Variants in GFRA2 observed in about 807,000 individuals in gnomAD.
GFRA2 encodes the protein GDNF family receptor alpha 2.
In GFRA2, 17 loss-of-function variants were observed where a neutral mutation model predicts 48.3. The observed-to-expected ratio is 0.35, with a 90% CI of 0.24 to 0.53. The LOEUF (loss-of-function observed/expected upper bound fraction) is 0.53, where lower values mean the gene tolerates loss of function less well. Ranked by LOEUF, GFRA2 falls within the 20% of genes least tolerant of loss-of-function variation. GFRA2 has a pLI of 0.93. For synonymous variants in GFRA2, 305 were observed against 257.2 expected (o/e 1.19, Z -1.78); for missense variants, 660 against 637.3 (o/e 1.04, Z -0.38).
chr8:21,724,666 G>A (rs957649849), intron 4 of GFRA2, among the ~76,000 whole-genome samples: 1 of 152,118 alleles, frequency 6.6e-6, no homozygotes, highest in African/African-American at 2.4e-5. Context: ...TTTTAATGAA[G>A]GTACTCAGGG....
At chr8:21,793,692 C>T (rs1321043398), upstream of GFRA2, among the ~76,000 whole-genome samples, 3 of 152,014 alleles carry the variant, frequency 2.0e-5, no homozygotes, top group Non-Finnish European at 2.9e-5. Context: ...GATTCAAACT[C>T]GGGCAGTCAG....
chr8:21,778,179 A>C (rs1329446829), intron 2 of GFRA2, among the ~76,000 whole-genome samples: 1 of 151,970 alleles, frequency 6.6e-6, no homozygotes, highest in Non-Finnish European at 1.5e-5. Flanking sequence ...CCGCAGCCCC[A>C]GGCCTGCATC....
At chr8:21,811,209 T>C (rs931383888) in intron 1 of GFRA2, among the ~76,000 whole-genome samples, 7 of 152,124 alleles carry the variant, frequency 4.6e-5, no homozygotes, top group African/African-American at 1.4e-4. Context: ...CTCTGTACTT[T>C]CTGCCTCGGG....
intron 4 of GFRA2, among the ~76,000 whole-genome samples, chr8:21,720,004 C>T (rs1408874862): frequency 6.6e-6 from 1 of 152,190 alleles, no homozygotes; most frequent in Non-Finnish European, 1.5e-5. Flanking sequence ...TACTCAAAGA[C>T]CCAGACCCCC....
chr8:21,783,140 G>A lies in GFRA2; in HGVS notation c.41-241C>T, dbSNP rs200398800. The A allele has an allele frequency of 2.5e-3, 1,657 of 673,236 alleles. 47 individuals are homozygous for A. In the East Asian group the frequency reaches 0.042, roughly 17 times the overall value. 41.7% of individuals were successfully genotyped at this position (673,236 alleles called of 1,614,324 possible). A position where few individuals can be genotyped will look rare whatever the true frequency, so the allele number is the denominator to read the frequency against. ...CCATTCCTCCTCAGCAGCGGCCCTGGGCCTAGGAGCACAGCACAATAAAGC... is the reference window on the plus strand; with the variant it reads ...CCATTCCTCCTCAGCAGCGGCCCTGAGCCTAGGAGCACAGCACAATAAAGC... On this transcript the variant is annotated intron_variant, in intron 1 of 8. Transcript: ENST00000524240.
intron 4 of GFRA2, among the ~76,000 whole-genome samples, chr8:21,716,051 G>A (rs116132330): frequency 0.013 from 2,021 of 152,214 alleles, 49 homozygotes; most frequent in African/African-American, 0.045. Context: ...GGCCAGGCGC[G>A]GTGGCTCACG....
In GFRA2 at chr8:21,738,205, C is replaced by T. The variant is rs1422640891; in HGVS notation, c.794+12383G>A. On this transcript the variant is annotated intron_variant, in intron 4 of 8. Coordinates refer to ENST00000524240, the MANE Select transcript of GFRA2 (RefSeq NM_001495.5). ...GTTCCTCCTCCTCCCCCTCCTCCTCCTCCCCCTCCTCCTCCTCCCCTCTTC... is the reference window on the plus strand; with the variant it reads ...GTTCCTCCTCCTCCCCCTCCTCCTCTTCCCCCTCCTCCTCCTCCCCTCTTC... 2.5e-3 allele frequency among the ~76,000 whole-genome samples: 271 copies of T among 109,478 alleles called. 4 individuals carry two copies. The highest frequency in any genetic ancestry group is 8.7e-3 in the African/African-American group (248 of 28,656). The allele number at this position is 109,478 out of a possible 152,430, so 71.8% of individuals were successfully genotyped here.
chr8:21,756,890 C>A (rs936194758), intron 3 of GFRA2, among the ~76,000 whole-genome samples: 1 of 152,170 alleles, frequency 6.6e-6, no homozygotes, highest in Admixed American at 6.5e-5. Flanking sequence ...AGCCTGAACT[C>A]AACACGTGCT....
chr8:21,711,105 T>C (rs1174151419), intron 4 of GFRA2, among the ~76,000 whole-genome samples: 2 of 152,194 alleles, frequency 1.3e-5, no homozygotes, highest in African/African-American at 4.8e-5. Context: ...GCAAATGTTA[T>C]GCTTTTCATA....
chr8:21,728,633 A>T (rs936529449), intron 4 of GFRA2, among the ~76,000 whole-genome samples: 10 of 152,288 alleles, frequency 6.6e-5, no homozygotes, highest in African/African-American at 2.4e-4. Context: ...CATGGACCAC[A>T]TCTGGAGAGA....
intron 7 of GFRA2, among the ~76,000 whole-genome samples, chr8:21,702,191 C>CA (rs1416420608): frequency 2.0e-5 from 3 of 152,174 alleles, no homozygotes; most frequent in Admixed American, 6.5e-5. Context: ...AACAGCACCT[C>CA]AGCTCCAATC....
At position 21,788,241 on chromosome 8, in the gene GFRA2, G is replaced by C. The variant is rs2279190; in HGVS notation, c.-82C>G. 0.28 allele frequency: 432,012 copies of C among 1,551,032 alleles called. 63,501 individuals carry two copies. Among genetic ancestry groups the C allele is most frequent in the African/African-American group, 0.49 (34,704 of 71,358 alleles). The stretch of plus-strand genomic sequence containing the variant: ...GTAGTAACAACAACAATAATAATAG[G>C]CAAGCAGTGGTAATCAGCCCCAAAT... On this transcript the variant is annotated 5_prime_UTR_variant, in exon 1 of 9. Coordinates refer to ENST00000524240, the MANE Select transcript of GFRA2 (RefSeq NM_001495.5).
intron 4 of GFRA2, among the ~76,000 whole-genome samples, chr8:21,726,027 G>A (rs1248999302): frequency 6.6e-6 from 1 of 152,134 alleles, no homozygotes; most frequent in Admixed American, 6.5e-5. Flanking sequence ...GGAAAGCCAG[G>A]CCCTTACAAG....
At chr8:21,722,596 G>A (rs544305552) in intron 4 of GFRA2, among the ~76,000 whole-genome samples, 37 of 152,266 alleles carry the variant, frequency 2.4e-4, no homozygotes, top group African/African-American at 7.9e-4. Flanking sequence ...GGTCTCGCCC[G>A]CATGCAGTGA....
At chr8:21,725,750 G>A (rs948374857) in intron 4 of GFRA2, among the ~76,000 whole-genome samples, 1 of 152,188 alleles carries the variant, frequency 6.6e-6, no homozygotes, top group Non-Finnish European at 1.5e-5. Context: ...GGGAAGTGTG[G>A]GGCCTGGACT....
intron 4 of GFRA2, among the ~76,000 whole-genome samples, chr8:21,726,534 T>C (rs976889468): frequency 1.3e-5 from 2 of 152,142 alleles, no homozygotes; most frequent in Non-Finnish European, 2.9e-5. Context: ...CTCTGAAGGC[T>C]CCAAGGAGGG....
At chr8:21,802,365 CTTCTT>C (rs1180311948) in intron 2 of GFRA2, among the ~76,000 whole-genome samples, 9 of 152,160 alleles carry the variant, frequency 5.9e-5, no homozygotes, top group Non-Finnish European at 1.3e-4. Context: ...TCTTCTTCCT[CTTCTT>C]TTGAGAAAGG....
chr8:21,698,544 C>G (rs1802321771), intron 7 of GFRA2, among the ~76,000 whole-genome samples: 1 of 152,148 alleles, frequency 6.6e-6, no homozygotes, highest in Admixed American at 6.5e-5. Context: ...AGCCATGGCT[C>G]TCCTGCACTC....
upstream of GFRA2, chr8:21,789,285 C>G (rs1807446710): frequency 6.5e-6 from 1 of 153,184 alleles, no homozygotes. Flanking sequence ...CGTCGGCACC[C>G]TCCTCCTCCT....
Sources: allele counts gnomAD v4.1 joint callset (sites outside exome capture counted in the v4.1 genomes callset), GRCh38; gene constraint gnomAD v4.1.1; transcripts MANE v1.5; gene names NCBI Gene and HGNC (gene_info 2026-07-23, HGNC 2026-07-21).